Variants in CADM1 observed in about 807,000 individuals in gnomAD.
CADM1 encodes cell adhesion molecule 1, also known as TSLC-1.
In CADM1, 15 loss-of-function variants were observed where a neutral mutation model predicts 53.1. The ratio of observed to expected loss-of-function variants is 0.28; its 90% CI spans 0.19 to 0.44. The LOEUF is 0.44. CADM1 is among the 20% of genes least tolerant of loss of function. The probability of loss-of-function intolerance (pLI) is 1.00; values close to 1 mark genes in which losing one functional copy is unlikely to be tolerated. For missense variants in CADM1, 434 were observed against 611.3 expected, an observed-to-expected ratio of 0.71 and a Z score of 3.06; for synonymous variants, 281 against 243.0, an observed-to-expected ratio of 1.16 and a Z score of -1.45.
intron 1 of CADM1, among the ~76,000 whole-genome samples, chr11:115,396,602 T>A (rs1434855834): frequency 1.3e-5 from 2 of 152,122 alleles, no homozygotes; most frequent in Non-Finnish European, 1.5e-5. Context: ...AACTTTAGAG[T>A]TGTTCTATTT....
At chr11:115,261,600 T>C (rs902600093) in intron 1 of CADM1, among the ~76,000 whole-genome samples, 2 of 152,226 alleles carry the variant, frequency 1.3e-5, no homozygotes, top group African/African-American at 4.8e-5. Flanking sequence ...ATCTTATGTG[T>C]CCGTCATATA....
intron 1 of CADM1, among the ~76,000 whole-genome samples, chr11:115,432,631 T>C (rs918286923): frequency 6.6e-6 from 1 of 152,232 alleles, no homozygotes; most frequent in African/African-American, 2.4e-5. Context: ...AATTTCAATA[T>C]TTGTATTGCT....
At chr11:115,351,303 T>C (rs2135060369) in intron 1 of CADM1, among the ~76,000 whole-genome samples, 1 of 152,330 alleles carries the variant, frequency 6.6e-6, no homozygotes, top group South Asian at 2.1e-4. Flanking sequence ...TAGGAAGACG[T>C]ACCTTCATGC....
intron 1 of CADM1, among the ~76,000 whole-genome samples, chr11:115,467,757 T>C (rs1948926558): frequency 6.6e-6 from 1 of 152,116 alleles, no homozygotes; most frequent in Admixed American, 6.5e-5. Flanking sequence ...AGTGAATGAG[T>C]TTACAGGGTT....
At chr11:115,201,424 G>A (rs148204681) in intron 8 of CADM1, among the ~76,000 whole-genome samples, 29 of 152,292 alleles carry the variant, frequency 1.9e-4, no homozygotes, top group Non-Finnish European at 2.8e-4. Flanking sequence ...TCATAATTGC[G>A]TTATGACTTC....
At chr11:115,210,065 A>T (rs1328191095) in intron 7 of CADM1, among the ~76,000 whole-genome samples, 1 of 152,188 alleles carries the variant, frequency 6.6e-6, no homozygotes, top group Admixed American at 6.5e-5. Flanking sequence ...CTGCTCTATT[A>T]GGGGGCTCAT....
intron 1 of CADM1, among the ~76,000 whole-genome samples, chr11:115,365,727 G>T (rs747001042): frequency 6.6e-6 from 1 of 151,708 alleles, no homozygotes; most frequent in Non-Finnish European, 1.5e-5. Flanking sequence ...GATGTTCTGA[G>T]CGCGGCAAAA....
chr11:115,388,834 T>C (rs1946764340), intron 1 of CADM1, among the ~76,000 whole-genome samples: 1 of 152,244 alleles, frequency 6.6e-6, no homozygotes, highest in Non-Finnish European at 1.5e-5. Context: ...AGATGCAATA[T>C]GTAATCCTGG....
At position 115,433,198 on chromosome 11, in the gene CADM1, T is replaced by A. The variant is rs1591231814; in HGVS notation, c.124+71073A>T. Among the ~76,000 whole-genome samples, 5 of 152,300 alleles carry A rather than the reference T, an allele frequency of 3.3e-5. No homozygotes were observed. The East Asian group carries it at 5.8e-4, about 18-fold the overall frequency. On this transcript the variant is annotated intron_variant, in intron 1 of 11. Coordinates refer to ENST00000331581, the MANE Select transcript of CADM1 (RefSeq NM_001301043.2). Reference sequence around the variant, plus strand: ...ATTGCTGTACAGTGACTTTTCTTCTTCTTCTTCTACAAAGCCATGCAGATA... The same window carrying A: ...ATTGCTGTACAGTGACTTTTCTTCTACTTCTTCTACAAAGCCATGCAGATA...
chr11:115,385,038 TCA>T (rs955642977), intron 1 of CADM1, among the ~76,000 whole-genome samples: 5 of 152,176 alleles, frequency 3.3e-5, no homozygotes, highest in Admixed American at 2.0e-4. Context: ...TTTTGATGGA[TCA>T]CTCGCCTCCC....
intron 8 of CADM1, among the ~76,000 whole-genome samples, chr11:115,201,575 G>A (rs562350010): frequency 6.6e-6 from 1 of 152,262 alleles, no homozygotes; most frequent in African/African-American, 2.4e-5. Flanking sequence ...ATATTGTTGG[G>A]TAACATTCTA....
chr11:115,356,887 C>A (rs1184327920), intron 1 of CADM1, among the ~76,000 whole-genome samples: 1 of 152,124 alleles, frequency 6.6e-6, no homozygotes, highest in Non-Finnish European at 1.5e-5. Flanking sequence ...TGTAACCATT[C>A]TTTGTATTCT....
intron 1 of CADM1, chr11:115,240,916 T>A (rs1298831228): frequency 5.6e-6 from 1 of 178,834 alleles, no homozygotes; most frequent in African/African-American, 2.4e-5. Flanking sequence ...ACAGTCCCAA[T>A]GTATAGGCAG....
rs186905346 is a variant in CADM1, at chr11:115,483,313, A to T, written c.124+20958T>A. ...GCAGTCAAAACTATTTAAAATGAAT[A>T]ATGTTTTTTTCACATTTCACTCACT... is the stretch of plus-strand genomic sequence containing the variant. On this transcript the variant is annotated intron_variant, in intron 1 of 11. Coordinates refer to ENST00000331581, the MANE Select transcript of CADM1 (RefSeq NM_001301043.2). Among the ~76,000 whole-genome samples, 10 of 152,334 alleles carry T rather than the reference A, an allele frequency of 6.6e-5. No individual in the cohort carries two copies. In the East Asian group the frequency reaches 1.9e-3, roughly 29 times the overall value.
chr11:115,501,222 T>G (rs1460168831), intron 1 of CADM1, among the ~76,000 whole-genome samples: 3 of 152,206 alleles, frequency 2.0e-5, no homozygotes, highest in Non-Finnish European at 4.4e-5. Flanking sequence ...GTGGCATTAA[T>G]GAGGGATATT....
At chr11:115,494,372 T>C (rs1949565470) in intron 1 of CADM1, among the ~76,000 whole-genome samples, 2 of 152,184 alleles carry the variant, frequency 1.3e-5, no homozygotes, top group South Asian at 2.1e-4. Context: ...CTCATTTTTC[T>C]ACCAAATGTC....
chr11:115,445,504 T>A (rs1374261687), intron 1 of CADM1, among the ~76,000 whole-genome samples: 1 of 149,346 alleles, frequency 6.7e-6, no homozygotes, highest in Non-Finnish European at 1.5e-5. Flanking sequence ...AATCATTGTT[T>A]AAAAAAAAAA....
chr11:115,432,235 AC>A (rs1948074284), intron 1 of CADM1, among the ~76,000 whole-genome samples: 1 of 151,984 alleles, frequency 6.6e-6, no homozygotes, highest in East Asian at 1.9e-4. Flanking sequence ...GTGAGCCACC[AC>A]ACCCGGCCCT....
intron 1 of CADM1, among the ~76,000 whole-genome samples, chr11:115,497,984 A>G (rs900580748): frequency 2.0e-5 from 3 of 152,120 alleles, no homozygotes; most frequent in Non-Finnish European, 2.9e-5. Context: ...TCAAAAAAAA[A>G]AAAAAAAACC....
Sources: gnomAD v4.1 joint callset for allele counts (sites outside exome capture counted in the v4.1 genomes callset) on GRCh38, gnomAD v4.1.1 for gene constraint, MANE v1.5 for transcripts, NCBI Gene and HGNC (gene_info 2026-07-23, HGNC 2026-07-21) for gene names.